SDK1: variants seen among roughly 807,000 people sequenced by gnomAD.
SDK1 encodes the protein protein sidekick-1.
Under a neutral mutation model 245.5 loss-of-function variants are expected in SDK1, and 157 were observed. The ratio of observed to expected loss-of-function variants is 0.64; its 90% CI spans 0.56 to 0.73. The LOEUF is 0.73. Ranked by LOEUF, SDK1 falls within the 30% of genes least tolerant of loss-of-function variation. SDK1 has a pLI of 0.00. For synonymous variants in SDK1, 1,647 were observed against 1,278.5 expected, an observed-to-expected ratio of 1.29 and a Z score of -6.15; for missense variants, 3,583 against 3,002.3, an observed-to-expected ratio of 1.19 and a Z score of -4.52.
intron 1 of SDK1, among the ~76,000 whole-genome samples, chr7:3,497,461 G>C (rs1782060272): frequency 6.6e-6 from 1 of 152,182 alleles, no homozygotes; most frequent in Non-Finnish European, 1.5e-5. Context: ...AAAGTGCTAT[G>C]TGTAGCTTTC....
chr7:3,990,020 C>G (rs1784175784), intron 14 of SDK1, among the ~76,000 whole-genome samples: 1 of 152,322 alleles, frequency 6.6e-6, no homozygotes, highest in South Asian at 2.1e-4. Flanking sequence ...CGCAGAGGAG[C>G]CTTCGGAAGC....
At chr7:3,998,850 T>C (rs1240473429) in intron 14 of SDK1, among the ~76,000 whole-genome samples, 1 of 152,184 alleles carries the variant, frequency 6.6e-6, no homozygotes, top group Non-Finnish European at 1.5e-5. Context: ...CTGGCTTCTC[T>C]GGGTGAATGT....
intron 1 of SDK1, among the ~76,000 whole-genome samples, chr7:3,555,289 T>G (rs191698820): frequency 1.6e-4 from 25 of 152,244 alleles, no homozygotes; most frequent in South Asian, 8.3e-4. Context: ...ACACCTACAG[T>G]GAACTCACTT....
chr7:3,972,741 G>A lies in SDK1; in HGVS notation c.1817+1173G>A, dbSNP rs571331342. On this transcript the variant is annotated intron_variant, in intron 12 of 44. Coordinates refer to ENST00000404826, the MANE Select transcript of SDK1 (RefSeq NM_152744.4). ...AGTCAGCAGCGGGACGCGGAGACTC[G>A]GCTGTTCTCTCGCGCTTCTTGAGCG... 3.3e-5 allele frequency among the ~76,000 whole-genome samples: 5 copies of A among 152,170 alleles called. No homozygotes were observed. The South Asian group carries it at 6.2e-4, about 19-fold the overall frequency.
At chr7:3,608,072 C>T (rs533702113) in intron 1 of SDK1, among the ~76,000 whole-genome samples, 90 of 152,314 alleles carry the variant, frequency 5.9e-4, no homozygotes, top group Admixed American at 9.2e-4. Context: ...GAGCGCGTAT[C>T]CCGAGGCAGT....
At chr7:4,261,523 C>T (rs893930540) in intron 44 of SDK1, among the ~76,000 whole-genome samples, 1 of 152,164 alleles carries the variant, frequency 6.6e-6, no homozygotes, top group African/African-American at 2.4e-5. Flanking sequence ...TCTGGGGCCA[C>T]AGCCGTCTGT....
intron 5 of SDK1, among the ~76,000 whole-genome samples, chr7:3,875,707 A>G (rs757933379): frequency 1.3e-5 from 2 of 152,190 alleles, no homozygotes; most frequent in Non-Finnish European, 2.9e-5. Flanking sequence ...AAGGAAGGAG[A>G]CAGAAAGTTC....
intron 20 of SDK1, among the ~76,000 whole-genome samples, chr7:4,068,411 G>A (rs972637536): frequency 6.6e-6 from 1 of 152,152 alleles, no homozygotes; most frequent in Non-Finnish European, 1.5e-5. Flanking sequence ...AGCCTTCTCA[G>A]ACACAGCCAG....
rs562593527 is a variant in SDK1, at chr7:4,191,166, G to A, written c.5098+12580G>A. Among the ~76,000 whole-genome samples the A allele has an allele frequency of 2.9e-3, 447 of 152,210 alleles. 1 individual carries two copies. Among genetic ancestry groups the A allele is most frequent in the African/African-American group, 0.01 (425 of 41,520 alleles). Reference sequence around the variant, plus strand: ...GGTCCTGCCAGGCCAACCCCGCGGCGGTCACAGTGGGTGTCCTCATGGCCC... The same window carrying A: ...GGTCCTGCCAGGCCAACCCCGCGGCAGTCACAGTGGGTGTCCTCATGGCCC... On this transcript the variant is annotated intron_variant, in intron 35 of 44. Transcript: ENST00000404826.
chr7:3,826,146 T>G (rs1156271133), intron 5 of SDK1, among the ~76,000 whole-genome samples: 1 of 152,226 alleles, frequency 6.6e-6, no homozygotes, highest in Non-Finnish European at 1.5e-5. Flanking sequence ...GAACTAAGTC[T>G]AGGCCATGGT....
rs960970440 is a variant in SDK1 at position 4,262,302 on chromosome 7, C to T, written c.6382-2822C>T. Among the ~76,000 whole-genome samples the T allele has an allele frequency of 1.3e-4, 20 of 151,718 alleles. 1 individual carries two copies. The highest frequency in any genetic ancestry group is 1.5e-5 in the Non-Finnish European group (1 of 67,910). On this transcript the variant is annotated intron_variant, in intron 44 of 44. Coordinates refer to ENST00000404826, the MANE Select transcript of SDK1 (RefSeq NM_152744.4). ...ATCTGCCGACCTCAGGTGATCCGCT[C>T]GCCTCAGCCACCCAAAGTCCACTTT...
chr7:4,215,336 G>A (rs1184834586), intron 38 of SDK1, among the ~76,000 whole-genome samples: 1 of 152,206 alleles, frequency 6.6e-6, no homozygotes, highest in East Asian at 1.9e-4. Context: ...CCTGAGTCCA[G>A]GCCTTGGGCG....
At chr7:3,718,214 A>T (rs1785259412) in intron 4 of SDK1, among the ~76,000 whole-genome samples, 1 of 152,140 alleles carries the variant, frequency 6.6e-6, no homozygotes, top group South Asian at 2.1e-4. Context: ...AAAATCCAAC[A>T]CTCAGCTGGT....
At chr7:4,077,431 C>T (rs896678391) in intron 21 of SDK1, among the ~76,000 whole-genome samples, 26 of 152,200 alleles carry the variant, frequency 1.7e-4, no homozygotes, top group African/African-American at 6.0e-4. Context: ...TCAGCCAGTT[C>T]CCAGAACATG....
intron 4 of SDK1, among the ~76,000 whole-genome samples, chr7:3,803,826 A>G (rs193107820): frequency 0.021 from 3,035 of 142,586 alleles, 116 homozygotes; most frequent in African/African-American, 0.075. Context: ...ATGCAGTGGC[A>G]TGATCTCAGC....
intron 1 of SDK1, among the ~76,000 whole-genome samples, chr7:3,599,194 G>A (rs1183266689): frequency 4.0e-5 from 6 of 149,920 alleles, no homozygotes; most frequent in Non-Finnish European, 7.4e-5. Context: ...ATCTCATGGT[G>A]GTTTAATTTG....
intron 1 of SDK1, among the ~76,000 whole-genome samples, chr7:3,452,886 T>C (rs1310361073): frequency 6.6e-6 from 1 of 152,170 alleles, no homozygotes; most frequent in African/African-American, 2.4e-5. Flanking sequence ...CTGTGATTCT[T>C]TGTTTTATTT....
chr7:4,038,356 C>T (rs1051792201), intron 17 of SDK1, among the ~76,000 whole-genome samples: 3 of 151,468 alleles, frequency 2.0e-5, no homozygotes, highest in South Asian at 2.1e-4. Flanking sequence ...AGTCTATGAC[C>T]GGGGCAAACA....
At chr7:3,582,949 C>T (rs1395634941) in intron 1 of SDK1, among the ~76,000 whole-genome samples, 1 of 152,088 alleles carries the variant, frequency 6.6e-6, no homozygotes, top group Non-Finnish European at 1.5e-5. Context: ...ACCAAGCAAT[C>T]GTATAGGTAA....
Sources: allele counts gnomAD v4.1 joint callset (sites outside exome capture counted in the v4.1 genomes callset), GRCh38; gene constraint gnomAD v4.1.1; transcripts MANE v1.5; gene names NCBI Gene and HGNC (gene_info 2026-07-23, HGNC 2026-07-21).